The following ADAM12 variants were observed in gnomAD, a reference collection of about 807,000 sequenced individuals.
The protein encoded by ADAM12 is ADAM metallopeptidase domain 12, also known as disintegrin and metalloproteinase domain-containing protein 12.
In ADAM12, 70 loss-of-function variants were observed where a neutral mutation model predicts 106.4. The ratio of observed to expected loss-of-function variants is 0.66; its 90% confidence interval spans 0.54 to 0.80. The LOEUF is 0.80. Among genes scored for constraint, ADAM12 ranks in the 30% least tolerant of loss-of-function variants. The pLI is 0.00. For missense variants in ADAM12, 1,010 were observed against 1,171.9 expected (o/e 0.86, Z 2.02); for synonymous variants, 420 against 433.5 (o/e 0.97, Z 0.39).
At chr10:126,077,712 T>C (rs907478333) in intron 11 of ADAM12, among the ~76,000 whole-genome samples, 1 of 152,230 alleles carries the variant, frequency 6.6e-6, no homozygotes, top group Non-Finnish European at 1.5e-5. Context: ...AGATTGAAAC[T>C]GAACCCCTAC....
intron 3 of ADAM12, among the ~76,000 whole-genome samples, chr10:126,161,172 C>G (rs1956927099): frequency 1.3e-5 from 2 of 152,308 alleles, no homozygotes; most frequent in South Asian, 4.1e-4. Context: ...GCTGTATTCC[C>G]TCACTTCCAG....
At chr10:126,356,770 T>G (rs1231652191) in intron 1 of ADAM12, among the ~76,000 whole-genome samples, 2 of 151,950 alleles carry the variant, frequency 1.3e-5, no homozygotes, top group African/African-American at 4.8e-5. Context: ...AATAAAAGTT[T>G]GATGAAGAAA....
rs150540850 is a variant in ADAM12, at chr10:126,350,932, C to T, written c.89-20423G>A. 8.5e-3 allele frequency among the ~76,000 whole-genome samples: 1,295 copies of T among 152,296 alleles called. 18 individuals carry two copies. The highest frequency in any genetic ancestry group is 0.03 in the African/African-American group (1,230 of 41,566). ...TGCTGCCGACCCCCGGAGCCCTGCC[C>T]CTTCCCCTGTCCAGGCTCTCCTGCA... On this transcript the variant is annotated intron_variant, in intron 1 of 22. Transcript: ENST00000448723.
chr10:126,302,894 A>G (rs1426518988), intron 2 of ADAM12, among the ~76,000 whole-genome samples: 4 of 152,228 alleles, frequency 2.6e-5, no homozygotes, highest in Non-Finnish European at 5.9e-5. Context: ...CTAGTTGAGC[A>G]CAATGGCAGT....
At chr10:126,157,444 ACAGT>A (rs1956839931) in intron 3 of ADAM12, among the ~76,000 whole-genome samples, 3 of 152,226 alleles carry the variant, frequency 2.0e-5, no homozygotes, top group Admixed American at 1.3e-4. Context: ...ACTTCCTTAC[ACAGT>A]CAGAGTTCTT....
intron 1 of ADAM12, among the ~76,000 whole-genome samples, chr10:126,350,880 A>T (rs2133886215): frequency 6.6e-6 from 1 of 152,242 alleles, no homozygotes; most frequent in South Asian, 2.1e-4. Flanking sequence ...TGGGTACCTC[A>T]GATCCAGAGT....
intron 3 of ADAM12, among the ~76,000 whole-genome samples, chr10:126,261,196 T>A (rs1272631979): frequency 6.6e-6 from 1 of 152,120 alleles, no homozygotes; most frequent in Non-Finnish European, 1.5e-5. Context: ...CTGGAGCTAA[T>A]CTCCTTCAGA....
At chr10:126,219,597 G>C (rs997517965) in intron 3 of ADAM12, among the ~76,000 whole-genome samples, 2 of 152,186 alleles carry the variant, frequency 1.3e-5, no homozygotes, top group Non-Finnish European at 2.9e-5. Context: ...AATCCTTATA[G>C]TTGAACAACC....
intron 2 of ADAM12, among the ~76,000 whole-genome samples, chr10:126,304,801 A>T (rs1960774675): frequency 1.3e-5 from 2 of 152,066 alleles, no homozygotes; most frequent in African/African-American, 2.4e-5. Context: ...TACAAAAAAA[A>T]AATATATTTG....
chr10:126,274,733 C>T (rs549247543), intron 3 of ADAM12, among the ~76,000 whole-genome samples: 4 of 152,174 alleles, frequency 2.6e-5, no homozygotes, highest in African/African-American at 9.7e-5. Flanking sequence ...CAACCTCAGT[C>T]GCCCTCTTCA....
intron 3 of ADAM12, among the ~76,000 whole-genome samples, chr10:126,232,264 A>G (rs936865672): frequency 3.9e-5 from 6 of 152,142 alleles, no homozygotes; most frequent in Non-Finnish European, 7.3e-5. Flanking sequence ...AGAAATTAGA[A>G]GATGCCACAC....
chr10:126,137,306 A>G (rs1031606796), intron 4 of ADAM12, among the ~76,000 whole-genome samples: 3 of 152,096 alleles, frequency 2.0e-5, no homozygotes, highest in African/African-American at 4.8e-5. Flanking sequence ...TTCTGTGCCA[A>G]TTCCACACTG....
At chr10:126,021,201 G>C (rs1953760868) in intron 21 of ADAM12, among the ~76,000 whole-genome samples, 1 of 152,084 alleles carries the variant, frequency 6.6e-6, no homozygotes, top group African/African-American at 2.4e-5. Context: ...CAGAATGTCT[G>C]TTGGAAATGG....
chr10:126,340,466 C>T (rs1250621901), intron 1 of ADAM12, among the ~76,000 whole-genome samples: 2 of 152,108 alleles, frequency 1.3e-5, no homozygotes, highest in Non-Finnish European at 2.9e-5. Flanking sequence ...AAGTAACTTG[C>T]CCAGGATCAC....
At chr10:126,028,593 G>C (rs7894530) in intron 21 of ADAM12, among the ~76,000 whole-genome samples, 3,281 of 152,266 alleles carry the variant, frequency 0.022, 101 homozygotes, top group East Asian at 0.11. Flanking sequence ...GGAAGAACTG[G>C]ATAGCCATAT....
intron 3 of ADAM12, among the ~76,000 whole-genome samples, chr10:126,156,798 G>A (rs1956824940): frequency 6.6e-6 from 1 of 152,232 alleles, no homozygotes; most frequent in African/African-American, 2.4e-5. Flanking sequence ...GGAAATCCTG[G>A]CAGATAATGT....
chr10:126,303,946 A>G (rs1233721875), intron 2 of ADAM12, among the ~76,000 whole-genome samples: 2 of 152,216 alleles, frequency 1.3e-5, no homozygotes, highest in East Asian at 1.9e-4. Flanking sequence ...GAACCATACT[A>G]TAAATTTCAC....
intron 1 of ADAM12, among the ~76,000 whole-genome samples, chr10:126,372,581 T>G (rs1856149212): frequency 6.6e-6 from 1 of 152,156 alleles, no homozygotes; most frequent in Admixed American, 6.6e-5. Context: ...CTTGACCCAC[T>G]AAATCCATAA....
At chr10:126,238,028 G>C (rs145513001) in intron 3 of ADAM12, among the ~76,000 whole-genome samples, 1 of 152,168 alleles carries the variant, frequency 6.6e-6, no homozygotes, top group African/African-American at 2.4e-5. Context: ...ACAAAGCAAC[G>C]ACAATTGTTA....
Sources: allele counts gnomAD v4.1 joint callset (sites outside exome capture counted in the v4.1 genomes callset), GRCh38; gene constraint gnomAD v4.1.1; transcripts MANE v1.5; gene names NCBI Gene and HGNC (gene_info 2026-07-23, HGNC 2026-07-21).